The following VAC14 variants were observed in gnomAD, a reference collection of about 807,000 sequenced individuals.
The protein encoded by VAC14 is VAC14 component of PIKFYVE complex, also known as protein VAC14 homolog.
Under a neutral mutation model 85.3 loss-of-function variants are expected in VAC14, and 47 were observed. That is an observed-to-expected ratio of 0.55 (90% CI 0.44 to 0.70). VAC14 has a LOEUF of 0.70. Among genes scored for constraint, VAC14 ranks in the 30% least tolerant of loss-of-function variants. The probability of loss-of-function intolerance (pLI) is 0.00; values close to 1 mark genes in which losing one functional copy is unlikely to be tolerated. For missense variants in VAC14, 861 were observed against 1,004.3 expected, an observed-to-expected ratio of 0.86 and a Z score of 1.93; for synonymous variants, 447 against 430.5, an observed-to-expected ratio of 1.04 and a Z score of -0.47.
intron 13 of VAC14, among the ~76,000 whole-genome samples, chr16:70,744,081 C>A (rs549488084): frequency 6.6e-6 from 1 of 152,126 alleles, no homozygotes; most frequent in African/African-American, 2.4e-5. Flanking sequence ...ACCCCAAGAC[C>A]GAAGCCCCTG....
intron 12 of VAC14, chr16:70,755,939 C>T (rs371236650): frequency 4.2e-5 from 19 of 450,774 alleles, no homozygotes; most frequent in African/African-American, 1.0e-4. Context: ...CAGCACAGCT[C>T]GGGGGTTTGG....
chr16:70,729,252 G>A (rs991707153), intron 14 of VAC14, among the ~76,000 whole-genome samples: 8 of 152,206 alleles, frequency 5.3e-5, no homozygotes, highest in African/African-American at 1.7e-4. Context: ...TGCCAACGGC[G>A]CTGAGTTCGA....
chr16:70,774,595 C>T (rs1356385105), intron 9 of VAC14, among the ~76,000 whole-genome samples: 3 of 152,076 alleles, frequency 2.0e-5, no homozygotes, highest in Admixed American at 2.0e-4. Flanking sequence ...AGTGATTGAC[C>T]GCAGCACTCA....
intron 14 of VAC14, among the ~76,000 whole-genome samples, chr16:70,710,823 C>T (rs551573321): frequency 6.6e-6 from 1 of 152,256 alleles, no homozygotes; most frequent in Non-Finnish European, 1.5e-5. Flanking sequence ...TTCCCTCCCC[C>T]AAATTATTTA....
intron 12 of VAC14, among the ~76,000 whole-genome samples, chr16:70,752,693 C>T (rs911918876): frequency 1.3e-5 from 2 of 152,254 alleles, no homozygotes; most frequent in Admixed American, 1.3e-4. Flanking sequence ...CGCACAGTCC[C>T]CGAGCGAAGG....
intron 9 of VAC14, among the ~76,000 whole-genome samples, chr16:70,777,745 C>A (rs1035661586): frequency 2.0e-5 from 3 of 152,108 alleles, no homozygotes; most frequent in African/African-American, 7.2e-5. Flanking sequence ...AGGTTCTTGC[C>A]CGGAGGTGTG....
chr16:70,730,708 G>A (rs931139254), intron 14 of VAC14, among the ~76,000 whole-genome samples: 5 of 149,778 alleles, frequency 3.3e-5, no homozygotes, highest in East Asian at 2.0e-4. Flanking sequence ...GGCGATTTGT[G>A]TGTCTCAGCC....
chr16:70,780,144 T>C lies in VAC14; in HGVS notation c.1096+646A>G, dbSNP rs545359406. 3.1e-4 allele frequency among the ~76,000 whole-genome samples: 47 copies of C among 151,166 alleles called. 1 individual carries two copies. The South Asian group carries it at 8.3e-3, about 27-fold the overall frequency. On this transcript the variant is annotated intron_variant, in intron 9 of 18. Transcript: ENST00000261776. The stretch of plus-strand genomic sequence containing the variant: ...GTGCTGGGATTACCCAGCCCGGCCA[T>C]AAATGTGGTTTCTTATAATGCAGTT...
chr16:70,751,711 C>T (rs1292230601), intron 12 of VAC14, among the ~76,000 whole-genome samples: 8 of 152,210 alleles, frequency 5.3e-5, no homozygotes, highest in Non-Finnish European at 7.4e-5. Context: ...CAGGAAGGGT[C>T]CCCTGGGGGA....
chr16:70,780,874 C>T lies in VAC14; in HGVS notation c.1012G>A (p.Glu338Lys), dbSNP rs749815790. ...LMKLVTPEDD[E>K]LDELRPGQRQ... ...TGCCCAGGTCTCAGCTCATCCAGCTCGTCGTCCTCGGGGGTGACCAGCTTC... is the reference window on the plus strand; with the variant it reads ...TGCCCAGGTCTCAGCTCATCCAGCTTGTCGTCCTCGGGGGTGACCAGCTTC... Residue 338 changes from glutamate to lysine, a missense_variant, in exon 9 of 19, where the codon GAG (glutamate) becomes AAG (lysine). Glu to Lys is a moderately conservative substitution (Grantham distance 56). Transcript: ENST00000261776. 2.5e-5 allele frequency: 40 copies of T among 1,614,052 alleles called. No homozygotes were observed. The highest frequency in any genetic ancestry group is 1.8e-4 in the Admixed American group (11 of 60,002).
chr16:70,774,876 G>C (rs183386581), intron 9 of VAC14, among the ~76,000 whole-genome samples: 1 of 151,902 alleles, frequency 6.6e-6, no homozygotes, highest in East Asian at 1.9e-4. Context: ...TTCCTGAGTA[G>C]CTGAGATTAC....
At chr16:70,704,361 C>T (rs2053882696) in intron 14 of VAC14, among the ~76,000 whole-genome samples, 1 of 152,076 alleles carries the variant, frequency 6.6e-6, no homozygotes, top group Non-Finnish European at 1.5e-5. Flanking sequence ...TCTTCTTTGT[C>T]CTTTCCTGGG....
At chr16:70,700,521 A>T (rs888862313) in intron 14 of VAC14, among the ~76,000 whole-genome samples, 11 of 152,338 alleles carry the variant, frequency 7.2e-5, no homozygotes, top group African/African-American at 2.6e-4. Flanking sequence ...AATAGGGGGA[A>T]GTTCTCAGAG....
chr16:70,731,464 G>T (rs1408308256), intron 14 of VAC14, 31 bp downstream of exon 14: 1 of 1,601,900 alleles, frequency 6.2e-7, no homozygotes, highest in Non-Finnish European at 8.5e-7. Flanking sequence ...GCCGTGGGAG[G>T]AAGAGGAGAA....
chr16:70,698,708 G>A lies in VAC14; in HGVS notation c.1765C>T (p.Leu589Phe). The part of the protein sequence containing the change: ...LKFASTMVHA[L>F]NTILLTSTEL... ...GTGGAGGTCAGCAGGATGGTGTTGA[G>A]GGCGTGGACCATGGTCGAGGCGAAC... is the stretch of plus-strand genomic sequence containing the variant. Residue 589 changes from leucine (L) to phenylalanine (F), a missense_variant, in exon 15 of 19, where the codon CTC becomes TTC. Leu to Phe is a conservative substitution (Grantham distance 22). Transcript: ENST00000261776. The A allele has an allele frequency of 6.2e-7, 1 of 1,614,186 alleles. No individual in the cohort carries two copies. The highest frequency in any genetic ancestry group is 8.5e-7 in the Non-Finnish European group (1 of 1,180,018).
chr16:70,764,960 C>G (rs1286128815), intron 10 of VAC14, among the ~76,000 whole-genome samples: 2 of 152,208 alleles, frequency 1.3e-5, no homozygotes, highest in Non-Finnish European at 2.9e-5. Flanking sequence ...GAGCTCCTTC[C>G]CTTGCGTTCT....
intron 10 of VAC14, among the ~76,000 whole-genome samples, chr16:70,763,964 T>C (rs1197632355): frequency 1.3e-5 from 2 of 152,188 alleles, no homozygotes; most frequent in East Asian, 1.9e-4. Context: ...GGCACTACAC[T>C]GTACTTCCCA....
intron 14 of VAC14, among the ~76,000 whole-genome samples, chr16:70,702,293 C>A (rs2053843909): frequency 6.6e-6 from 1 of 152,230 alleles, no homozygotes; most frequent in Admixed American, 6.5e-5. Flanking sequence ...GGGAAGCCAG[C>A]TCATCCCAGG....
At chr16:70,798,007 G>A (rs1170030555) in intron 1 of VAC14, among the ~76,000 whole-genome samples, 4 of 152,162 alleles carry the variant, frequency 2.6e-5, no homozygotes, top group African/African-American at 9.7e-5. Flanking sequence ...TCAGGTATTT[G>A]TTTATAGCAG....
Sources: allele counts gnomAD v4.1 joint callset (sites outside exome capture counted in the v4.1 genomes callset), GRCh38; gene constraint gnomAD v4.1.1; transcripts MANE v1.5; gene names NCBI Gene and HGNC (gene_info 2026-07-23, HGNC 2026-07-21).